LYPD6: variants seen among roughly 807,000 people sequenced by gnomAD.
LYPD6 encodes LY6/PLAUR domain containing 6, also known as ly6/PLAUR domain-containing protein 6.
In LYPD6, 15 loss-of-function variants were observed where a neutral mutation model predicts 22.7. The observed-to-expected ratio is 0.66, with a 90% CI of 0.44 to 1.02. The LOEUF is 1.02. Among genes scored for constraint, LYPD6 ranks in the 50% least tolerant of loss-of-function variants. LYPD6 has a pLI of 0.00. For synonymous variants in LYPD6, 72 were observed against 77.5 expected (o/e 0.93, Z 0.37); for missense variants, 189 against 208.4 (o/e 0.91, Z 0.57).
chr2:149,459,507 CCTT>C (rs890714436), intron 3 of LYPD6, among the ~76,000 whole-genome samples: 4 of 152,224 alleles, frequency 2.6e-5, no homozygotes, highest in African/African-American at 9.6e-5. Flanking sequence ...AACAGAATGT[CCTT>C]CTTCTCTTGA....
rs114837496 is a variant in LYPD6 at position 149,445,769 on chromosome 2, A to C, written c.119-3280A>C. ...TTTGATCTTCTATCCAGACCACTCA[A>C]ACTTTCTCTGTATCAGCAAAAAGGC... On this transcript the variant is annotated intron_variant, in intron 2 of 4. Coordinates refer to ENST00000334166, the MANE Select transcript of LYPD6 (RefSeq NM_194317.5). Among the ~76,000 whole-genome samples the C allele has an allele frequency of 8.8e-3, 1,341 of 152,284 alleles. 15 individuals are homozygous for C. Among genetic ancestry groups the C allele is most frequent in the African/African-American group, 0.031 (1,285 of 41,542 alleles).
chr2:149,390,759 G>C (rs1417402935), intron 1 of LYPD6, among the ~76,000 whole-genome samples: 1 of 152,108 alleles, frequency 6.6e-6, no homozygotes, highest in African/African-American at 2.4e-5. Flanking sequence ...AGTGTAGACA[G>C]TTAATTGAAT....
intron 2 of LYPD6, chr2:149,440,078 A>G (rs751052648): frequency 1.3e-5 from 2 of 152,940 alleles, no homozygotes; most frequent in African/African-American, 2.4e-5. Flanking sequence ...TTCTAACATT[A>G]CAGTGGTGGA....
downstream of LYPD6, among the ~76,000 whole-genome samples, chr2:149,478,463 G>T (rs1681477859): frequency 1.3e-5 from 2 of 151,386 alleles, no homozygotes. Context: ...TCACTCTGTT[G>T]CCCAGGTTAG....
intron 3 of LYPD6, chr2:149,464,344 A>G (rs1467531355): frequency 3.6e-6 from 1 of 279,704 alleles, no homozygotes; most frequent in Non-Finnish European, 7.4e-6. Context: ...GGAGTAGAAG[A>G]TAGGAAAAAA....
At chr2:149,388,362 G>T (rs1385888779) in intron 1 of LYPD6, among the ~76,000 whole-genome samples, 3 of 152,064 alleles carry the variant, frequency 2.0e-5, no homozygotes, top group Non-Finnish European at 2.9e-5. Flanking sequence ...TGAAAAAAAT[G>T]TATTTATTAT....
rs77691078 is a variant in LYPD6, at chr2:149,436,895, A to C, written c.-71-743A>C. ...TACGCCCATCCAATCCGTTTTTTAA[A>C]TACACCTTAAGTCAGTCTTAAGAAC... On this transcript the variant is annotated intron_variant, in intron 1 of 4. Transcript: ENST00000334166. Among the ~76,000 whole-genome samples, 736 of 152,294 alleles carry C rather than the reference A, an allele frequency of 4.8e-3. 6 individuals are homozygous for C. The highest frequency in any genetic ancestry group is 0.017 in the African/African-American group (691 of 41,574).
chr2:149,482,132 C>T, the LYPD6 span, among the ~76,000 whole-genome samples: 1 of 152,050 alleles, frequency 6.6e-6, no homozygotes, highest in East Asian at 1.9e-4. Flanking sequence ...TTTAAAACTA[C>T]TTACTTTAAA....
chr2:149,401,191 A>G lies in LYPD6; in HGVS notation c.-71-36447A>G, dbSNP rs139886778. Reference sequence around the variant, plus strand: ...TTCCACTTACGTCTCATTGATCAGGAATGTACCACATGACCATCAGTATGG... The same window carrying G: ...TTCCACTTACGTCTCATTGATCAGGGATGTACCACATGACCATCAGTATGG... On this transcript the variant is annotated intron_variant, in intron 1 of 4. Transcript: ENST00000334166. Among the ~76,000 whole-genome samples, 81 of 152,294 alleles carry G rather than the reference A, an allele frequency of 5.3e-4. No homozygotes were observed. The East Asian group carries it at 7.5e-3, about 14-fold the overall frequency.
intron 1 of LYPD6, among the ~76,000 whole-genome samples, chr2:149,364,216 G>C (rs1313793900): frequency 6.6e-6 from 1 of 152,158 alleles, no homozygotes; most frequent in Non-Finnish European, 1.5e-5. Flanking sequence ...GACTCAAGAA[G>C]ATAGGGAATT....
intron 1 of LYPD6, among the ~76,000 whole-genome samples, chr2:149,435,716 C>T (rs868470721): frequency 6.6e-5 from 10 of 152,208 alleles, no homozygotes; most frequent in African/African-American, 2.2e-4. Flanking sequence ...CTGGCAGTCA[C>T]ATTTATTAAG....
chr2:149,350,648 G>A (rs1446054950), intron 1 of LYPD6, among the ~76,000 whole-genome samples: 1 of 152,226 alleles, frequency 6.6e-6, no homozygotes, highest in Non-Finnish European at 1.5e-5. Context: ...GTGGGTAGAT[G>A]CTACCCATAC....
rs930757985 is a variant in LYPD6, at chr2:149,473,848, G to C, written c.*2998G>C. 6.6e-6 allele frequency: 1 copy of C among 152,090 alleles called. No homozygotes were observed. The highest frequency in any genetic ancestry group is 1.5e-5 in the Non-Finnish European group (1 of 68,024). 9.4% of individuals were successfully genotyped at this position (152,090 alleles called of 1,614,324 possible). On this transcript the variant is annotated 3_prime_UTR_variant, in exon 5 of 5. Coordinates refer to ENST00000334166, the MANE Select transcript of LYPD6 (RefSeq NM_194317.5). ...ACTGCAGAAAATAAAAGAAGGAAAGGCTACCAGACTTTTCAATAAGGTCTA... is the reference window on the plus strand; with the variant it reads ...ACTGCAGAAAATAAAAGAAGGAAAGCCTACCAGACTTTTCAATAAGGTCTA...
intron 1 of LYPD6, among the ~76,000 whole-genome samples, chr2:149,376,667 G>A (rs967020903): frequency 1.8e-4 from 28 of 152,086 alleles, no homozygotes; most frequent in African/African-American, 6.5e-4. Flanking sequence ...TATATTACTG[G>A]GTACTCATTG....
intron 1 of LYPD6, among the ~76,000 whole-genome samples, chr2:149,392,502 C>T (rs114286734): frequency 0.014 from 2,206 of 152,248 alleles, 40 homozygotes; most frequent in African/African-American, 0.05. Flanking sequence ...CTTCTCTCAA[C>T]TCTTGGAAAC....
chr2:149,439,500 T>A (rs913244124), intron 2 of LYPD6, among the ~76,000 whole-genome samples: 1 of 152,192 alleles, frequency 6.6e-6, no homozygotes, highest in African/African-American at 2.4e-5. Context: ...TATGATTCCT[T>A]CTCAACTTCA....
Position 149,338,864 on chromosome 2 carries a change from C to A in LYPD6, c.-72+8142C>A, listed in dbSNP as rs117042862. Among the ~76,000 whole-genome samples, 7 of 152,240 alleles carry A rather than the reference C, an allele frequency of 4.6e-5. No homozygotes were observed. The East Asian group carries it at 1.4e-3, about 29-fold the overall frequency. ...TCAGTAATATCCCTGGTATTGTCAGCAGGAGTCTTGGCAGAAGAACAGAAA... is the reference window on the plus strand; with the variant it reads ...TCAGTAATATCCCTGGTATTGTCAGAAGGAGTCTTGGCAGAAGAACAGAAA... On this transcript the variant is annotated intron_variant, in intron 1 of 4. Coordinates refer to ENST00000334166, the MANE Select transcript of LYPD6 (RefSeq NM_194317.5).
chr2:149,384,386 G>A (rs1682133101), intron 1 of LYPD6, among the ~76,000 whole-genome samples: 1 of 152,208 alleles, frequency 6.6e-6, no homozygotes. Flanking sequence ...ATACCTGGAT[G>A]TCTGTGTTTG....
chr2:149,443,654 T>C (rs1318920868), intron 2 of LYPD6, among the ~76,000 whole-genome samples: 2 of 152,200 alleles, frequency 1.3e-5, no homozygotes, highest in East Asian at 3.8e-4. Flanking sequence ...CCTAAAATAT[T>C]TTATATGATT....
Sources: gnomAD v4.1 joint callset for allele counts (sites outside exome capture counted in the v4.1 genomes callset) on GRCh38, gnomAD v4.1.1 for gene constraint, MANE v1.5 for transcripts, NCBI Gene and HGNC (gene_info 2026-07-23, HGNC 2026-07-21) for gene names.